Variants in SYTL2 observed in about 807,000 individuals in gnomAD.
The protein encoded by SYTL2 is synaptotagmin-like protein 2.
SYTL2 carries 165 observed loss-of-function variants against 198.7 expected under a neutral mutation model. The observed-to-expected ratio is 0.83, with a 90% CI of 0.73 to 0.94. SYTL2 has a LOEUF of 0.94. SYTL2 is among the 40% of genes least tolerant of loss of function. SYTL2 has a pLI of 0.00. For synonymous variants in SYTL2, 966 were observed against 917.7 expected (o/e 1.05, Z -0.95); for missense variants, 2,835 against 2,582.8 (o/e 1.10, Z -2.12).
intron 1 of SYTL2, among the ~76,000 whole-genome samples, chr11:85,776,885 G>A (rs144627745): frequency 0.015 from 2,209 of 152,256 alleles, 47 homozygotes; most frequent in African/African-American, 0.051. Flanking sequence ...AACACAAAAT[G>A]GAGTAAGACA....
At chr11:85,768,978 C>T (rs2092301254) in intron 1 of SYTL2, among the ~76,000 whole-genome samples, 2 of 151,856 alleles carry the variant, frequency 1.3e-5, no homozygotes, top group South Asian at 4.2e-4. Context: ...ACCTGTGTCT[C>T]CAGCATATAG....
chr11:85,700,606 G>T lies in SYTL2; in HGVS notation c.6190-13C>A, dbSNP rs367844704. The T allele has an allele frequency of 2.7e-4, 438 of 1,611,026 alleles. No individual in the cohort carries two copies. Among genetic ancestry groups the T allele is most frequent in the Non-Finnish European group, 1.7e-4 (198 of 1,177,328 alleles). On this transcript the variant is annotated splice_polypyrimidine_tract_variant and intron_variant, in intron 16 of 19. Transcript: ENST00000359152. ...CAACTGGTGCTGTCTGAAAAGTGAA[G>T]AAATGTCAGCAGGTGGGAGACAAAC...
At chr11:85,792,995 A>AT (rs2153630610) in intron 1 of SYTL2, among the ~76,000 whole-genome samples, 1 of 152,046 alleles carries the variant, frequency 6.6e-6, no homozygotes, top group East Asian at 1.9e-4. Flanking sequence ...TCCATGGTGT[A>AT]TATGTGCCAC....
At chr11:85,714,689 T>C (rs961475691) in intron 11 of SYTL2, 182 bp from the exon 12 acceptor site, 44 of 1,317,226 alleles carry the variant, frequency 3.3e-5, no homozygotes, top group Middle Eastern at 5.8e-4. Context: ...TTATAAATTA[T>C]ATAGAGAGAG....
At chr11:85,754,966 A>G (rs1481495755) in intron 2 of SYTL2, among the ~76,000 whole-genome samples, 3 of 152,140 alleles carry the variant, frequency 2.0e-5, no homozygotes, top group Non-Finnish European at 2.9e-5. Flanking sequence ...TGGGCAAGTC[A>G]TTTACCCTTT....
intron 1 of SYTL2, among the ~76,000 whole-genome samples, chr11:85,771,019 C>T (rs1184361925): frequency 1.3e-5 from 2 of 152,170 alleles, no homozygotes; most frequent in Admixed American, 1.3e-4. Flanking sequence ...AAAATTAATG[C>T]TTATATATAG....
chr11:85,745,631 C>T lies in SYTL2; in HGVS notation c.389+6G>A, dbSNP rs3816075. 5.0e-6 allele frequency: 8 copies of T among 1,611,270 alleles called. No individual in the cohort carries two copies. In the East Asian group the frequency reaches 1.6e-4, roughly 31 times the overall value. On this transcript the variant is annotated splice_donor_region_variant and intron_variant, in intron 4 of 19. Coordinates refer to ENST00000359152, the MANE Select transcript of SYTL2 (RefSeq NM_206927.4). ...GCAGCAGCTCTCCCCAGAAGCTTTG[C>T]CTTACCTCGGGCTTGCTGGTGCTGC... is the stretch of plus-strand genomic sequence containing the variant.
the SYTL2 span, among the ~76,000 whole-genome samples, chr11:85,819,389 G>C: frequency 1.3e-5 from 2 of 152,204 alleles, no homozygotes; most frequent in African/African-American, 4.8e-5. Flanking sequence ...TGGGTTGGAT[G>C]GTTCTGTTGC....
chr11:85,707,731 T>G (rs563641817), intron 14 of SYTL2, among the ~76,000 whole-genome samples, 200 bp from the exon 15 acceptor site: 1 of 152,248 alleles, frequency 6.6e-6, no homozygotes, highest in East Asian at 1.9e-4. Flanking sequence ...CATTTTATAT[T>G]GTTTTGAAGA....
chr11:85,849,881 A>G, the SYTL2 span, among the ~76,000 whole-genome samples: 2 of 139,220 alleles, frequency 1.4e-5, no homozygotes, highest in Non-Finnish European at 3.2e-5. Flanking sequence ...CTTGGGCAGT[A>G]TGGCCATTTT....
chr11:85,700,975 T>C (rs1039122184), intron 16 of SYTL2, among the ~76,000 whole-genome samples: 13 of 152,172 alleles, frequency 8.5e-5, no homozygotes, highest in African/African-American at 3.1e-4. Flanking sequence ...TCCCTTTATT[T>C]GAAGGAGTAT....
In SYTL2 at chr11:85,745,726, C is replaced by G; in HGVS notation, c.300G>C (p.Val100=). 1 of 1,613,662 alleles carries G rather than the reference C, an allele frequency of 6.2e-7. No individual in the cohort carries two copies. The highest frequency in any genetic ancestry group is 8.5e-7 in the Non-Finnish European group (1 of 1,179,642). Residue 100 remains valine (V), a synonymous_variant, in exon 4 of 20, where the codon GTG becomes GTC. Transcript: ENST00000359152. ...DRENGAKESW[V]NNVNKDAFLP... ...GGAAAGCATCTTTGTTGACATTATTCACCCAGCTTTCCTTTGCCCCATTTT... is the reference window on the plus strand; with the variant it reads ...GGAAAGCATCTTTGTTGACATTATTGACCCAGCTTTCCTTTGCCCCATTTT...
At chr11:85,765,095 A>G (rs1443779634) in intron 1 of SYTL2, among the ~76,000 whole-genome samples, 1 of 152,228 alleles carries the variant, frequency 6.6e-6, no homozygotes, top group Non-Finnish European at 1.5e-5. Context: ...GCTTCTTGAG[A>G]GGAAAGAATT....
chr11:85,753,619 T>C (rs1328309141), intron 2 of SYTL2, among the ~76,000 whole-genome samples: 1 of 152,066 alleles, frequency 6.6e-6, no homozygotes, highest in Admixed American at 6.6e-5. Context: ...CCTTTTTTTT[T>C]AATTAGCTGG....
intron 1 of SYTL2, among the ~76,000 whole-genome samples, chr11:85,799,269 T>C (rs1222434443): frequency 6.6e-6 from 1 of 152,122 alleles, no homozygotes; most frequent in African/African-American, 2.4e-5. Flanking sequence ...CTAAGAACTT[T>C]TGGAACAAAA....
chr11:85,714,333 GA>G, intron 12 of SYTL2, 79 bp downstream of exon 12: 1 of 1,151,928 alleles, frequency 8.7e-7, no homozygotes, highest in Non-Finnish European at 1.3e-6. Context: ...TGCCACAGTG[GA>G]ATACAAACAC....
At position 85,724,122 on chromosome 11, in the gene SYTL2, CTT is replaced by C. The variant is rs773099747; in HGVS notation, c.5234_5235del (p.Gln1745ArgfsTer11). 5.7e-6 allele frequency: 9 copies of C among 1,591,666 alleles called. No homozygotes were observed. Among genetic ancestry groups the C allele is most frequent in the African/African-American group, 1.4e-5 (1 of 73,200 alleles). On this transcript the variant is annotated frameshift_variant, in exon 8 of 20. Coordinates refer to ENST00000359152, the MANE Select transcript of SYTL2 (RefSeq NM_206927.4). LOFTEE classifies it high-confidence loss of function. ...ELTLASPYMK[Q>X]EKEEEKEGFS... ...AAACCTTCTTTTTCTTCCTCTTTCT[CTT>C]GTTTCATATATGGCGATGCTAGAGT...
chr11:85,771,452 T>G (rs1028035838), intron 1 of SYTL2, among the ~76,000 whole-genome samples: 1 of 152,228 alleles, frequency 6.6e-6, no homozygotes, highest in African/African-American at 2.4e-5. Flanking sequence ...ACCGTTAGTT[T>G]AATGTCACTG....
chr11:85,820,779 G>A, the SYTL2 span, among the ~76,000 whole-genome samples: 2 of 152,190 alleles, frequency 1.3e-5, no homozygotes, highest in Non-Finnish European at 2.9e-5. Flanking sequence ...ATCTTCATTT[G>A]AGAGATGTAT....
Sources: gnomAD v4.1 joint callset for allele counts (sites outside exome capture counted in the v4.1 genomes callset) on GRCh38, gnomAD v4.1.1 for gene constraint, MANE v1.5 for transcripts, NCBI Gene and HGNC (gene_info 2026-07-23, HGNC 2026-07-21) for gene names.